Variants in NXPE1 observed in about 807,000 individuals in gnomAD.
NXPE1 encodes neurexophilin and PC-esterase domain family member 1.
NXPE1 carries 31 observed loss-of-function variants against 33.3 expected under a neutral mutation model. That is an observed-to-expected ratio of 0.93 (90% CI 0.70 to 1.26). The LOEUF is 1.26. NXPE1 is among the 50% of genes most tolerant of loss of function. The pLI is 0.00. For missense variants in NXPE1, 661 were observed against 655.6 expected, an observed-to-expected ratio of 1.01 and a Z score of -0.09; for synonymous variants, 229 against 231.4, an observed-to-expected ratio of 0.99 and a Z score of 0.09.
intron 3 of NXPE1, among the ~76,000 whole-genome samples, 163 bp from the exon 4 acceptor site, chr11:114,551,604 G>T (rs976398396): frequency 6.6e-6 from 1 of 152,170 alleles, no homozygotes; most frequent in African/African-American, 2.4e-5. Context: ...GAATATGCTC[G>T]TATTACAAAA....
intron 5 of NXPE1, among the ~76,000 whole-genome samples, chr11:114,547,975 A>T (rs1407248400): frequency 6.6e-6 from 1 of 152,170 alleles, no homozygotes; most frequent in Non-Finnish European, 1.5e-5. Flanking sequence ...ACCTAAAGTA[A>T]AAAGTTTATT....
At chr11:114,519,442 C>T (rs568610449), downstream of NXPE1, among the ~76,000 whole-genome samples, 1 of 152,260 alleles carries the variant, frequency 6.6e-6, no homozygotes, top group South Asian at 2.1e-4. Flanking sequence ...AGAAGCAAAA[C>T]TTAGTCTCTT....
At chr11:114,528,551 C>T (rs1235333709) in intron 6 of NXPE1, among the ~76,000 whole-genome samples, 1 of 152,162 alleles carries the variant, frequency 6.6e-6, no homozygotes, top group African/African-American at 2.4e-5. Context: ...TGTGTCTGGT[C>T]CACTGCTGTA....
intron 6 of NXPE1, chr11:114,529,962 G>C: frequency 1.9e-6 from 1 of 512,870 alleles, no homozygotes; most frequent in Non-Finnish European, 3.4e-6. Context: ...ATAGAAGAAC[G>C]GTTATAGCAA....
At chr11:114,552,969 T>A in intron 1 of NXPE1, 89 bp from the exon 2 acceptor site, 2 of 507,884 alleles carry the variant, frequency 3.9e-6, no homozygotes, top group Non-Finnish European at 5.1e-6. Flanking sequence ...TTCTTGTTGA[T>A]CTCTGAAGAA....
intron 7 of NXPE1, among the ~76,000 whole-genome samples, chr11:114,527,519 G>A (rs1241113016): frequency 2.0e-5 from 3 of 152,122 alleles, no homozygotes; most frequent in South Asian, 2.1e-4. Context: ...AACCAAAACC[G>A]AAAGTGTTCC....
At chr11:114,552,972 C>T in intron 1 of NXPE1, 92 bp from the exon 2 acceptor site, 1 of 463,778 alleles carries the variant, frequency 2.2e-6, no homozygotes, top group Non-Finnish European at 2.8e-6. Flanking sequence ...TTGTTGATCT[C>T]TGAAGAAACC....
intron 6 of NXPE1, chr11:114,528,822 C>T (rs765725779): frequency 2.2e-5 from 15 of 678,738 alleles, no homozygotes; most frequent in Non-Finnish European, 4.1e-5. Context: ...GATGTCTCTC[C>T]AGGTGCCATC....
intron 6 of NXPE1, chr11:114,529,875 T>G: frequency 3.4e-6 from 1 of 297,532 alleles, no homozygotes; most frequent in Non-Finnish European, 6.2e-6. Flanking sequence ...CAAAATATGA[T>G]ATGGGAGGTG....
At chr11:114,555,620 A>T (rs1459892631) in intron 1 of NXPE1, among the ~76,000 whole-genome samples, 1 of 151,982 alleles carries the variant, frequency 6.6e-6, no homozygotes, top group East Asian at 1.9e-4. Context: ...TATTACCACC[A>T]CCCCAAAGTT....
At chr11:114,531,313 C>G (rs1947574281) in intron 5 of NXPE1, among the ~76,000 whole-genome samples, 1 of 152,092 alleles carries the variant, frequency 6.6e-6, no homozygotes, top group Admixed American at 6.6e-5. Flanking sequence ...ATATGCCTTA[C>G]ATCCAGTAAC....
exon 6 of NXPE1, chr11:114,530,587 C>T (rs756951518): frequency 1.2e-6 from 2 of 1,614,112 alleles, no homozygotes; most frequent in South Asian, 2.2e-5. Flanking sequence ...GACATCCTGG[C>T]CCTCAGGAAA....
At chr11:114,522,245 C>G (rs778187975) in exon 9 of NXPE1, 12 of 1,614,072 alleles carry the variant, frequency 7.4e-6, no homozygotes, top group Non-Finnish European at 9.3e-6. Flanking sequence ...CTTTTGAACA[C>G]CGATGGCCCT....
intron 5 of NXPE1, among the ~76,000 whole-genome samples, chr11:114,549,885 G>C (rs1403199702): frequency 6.6e-6 from 1 of 151,750 alleles, no homozygotes; most frequent in Non-Finnish European, 1.5e-5. Flanking sequence ...TAAAATAGTA[G>C]GAAATAATAT....
intron 5 of NXPE1, among the ~76,000 whole-genome samples, chr11:114,546,104 A>C (rs1948274351): frequency 6.6e-6 from 1 of 152,252 alleles, no homozygotes; most frequent in African/African-American, 2.4e-5. Context: ...AATGTATGAC[A>C]TAACCTTGCT....
At chr11:114,538,034 C>A (rs534255700) in intron 5 of NXPE1, among the ~76,000 whole-genome samples, 8 of 152,310 alleles carry the variant, frequency 5.3e-5, no homozygotes, top group South Asian at 2.1e-4. Flanking sequence ...AACTATACTA[C>A]AAGGCTACAG....
At chr11:114,524,125 G>A (rs115159810) in intron 7 of NXPE1, among the ~76,000 whole-genome samples, 2 of 152,130 alleles carry the variant, frequency 1.3e-5, no homozygotes, top group African/African-American at 2.4e-5. Flanking sequence ...TCTAAAGTTC[G>A]GCTAGTAGTA....
chr11:114,549,520 G>A (rs1319833154), intron 5 of NXPE1, among the ~76,000 whole-genome samples: 1 of 151,940 alleles, frequency 6.6e-6, no homozygotes, highest in African/African-American at 2.4e-5. Flanking sequence ...AAGCACAATA[G>A]GACTTTGACA....
chr11:114,526,197 C>T (rs1482314992), intron 7 of NXPE1, among the ~76,000 whole-genome samples: 1 of 152,156 alleles, frequency 6.6e-6, no homozygotes, highest in Admixed American at 6.5e-5. Context: ...CCTGGAGCCT[C>T]CAGGAAGGAA....
Sources: allele counts gnomAD v4.1 joint callset (sites outside exome capture counted in the v4.1 genomes callset), GRCh38; gene constraint gnomAD v4.1.1; transcripts MANE v1.5; gene names NCBI Gene and HGNC (gene_info 2026-07-23, HGNC 2026-07-21).